Variants in CSMD1 observed in about 807,000 individuals in gnomAD.
CSMD1 encodes CUB and Sushi multiple domains 1, also known as CUB and sushi domain-containing protein 1.
In CSMD1, 213 loss-of-function variants were observed where a neutral mutation model predicts 417.5. That is an observed-to-expected ratio of 0.51 (90% CI 0.46 to 0.57). The LOEUF (loss-of-function observed/expected upper bound fraction) is 0.57, where lower values mean the gene tolerates loss of function less well. CSMD1 is among the 20% of genes least tolerant of loss of function. The pLI, the probability that CSMD1 is intolerant of heterozygous loss-of-function variation, is 0.00. For synonymous variants in CSMD1, 2,862 were observed against 1,736.8 expected (o/e 1.65, Z -16.11); for missense variants, 6,923 against 4,529.7 (o/e 1.53, Z -15.17).
chr8:4,111,603 A>G (rs9650479), intron 3 of CSMD1, among the ~76,000 whole-genome samples: 1 of 152,094 alleles, frequency 6.6e-6, no homozygotes, highest in Non-Finnish European at 1.5e-5. Context: ...AAAGAAATGA[A>G]ATTATGTCCT....
At chr8:4,099,852 C>A (rs1487567402) in intron 3 of CSMD1, among the ~76,000 whole-genome samples, 3 of 152,156 alleles carry the variant, frequency 2.0e-5, no homozygotes, top group African/African-American at 7.2e-5. Context: ...GAACATCCTT[C>A]TTTTCCGTTT....
chr8:4,905,301 T>A (rs1044674383), intron 1 of CSMD1, among the ~76,000 whole-genome samples: 2 of 152,180 alleles, frequency 1.3e-5, no homozygotes, highest in Admixed American at 6.5e-5. Context: ...CAGAGTCTAA[T>A]GGATAACTCG....
Position 3,953,133 on chromosome 8 carries a change from C to T in CSMD1, c.818+44770G>A, listed in dbSNP as rs545374485. On this transcript the variant is annotated intron_variant, in intron 5 of 69. Coordinates refer to ENST00000635120, the MANE Select transcript of CSMD1 (RefSeq NM_033225.6). ...CTGAAAAGATCAATGATCATAAACC[C>T]TAAAAAATACCATTTATAAAAAAAA... is the stretch of plus-strand genomic sequence containing the variant. 2.0e-5 allele frequency among the ~76,000 whole-genome samples: 3 copies of T among 151,536 alleles called. No homozygotes were observed. In the South Asian group the frequency reaches 6.3e-4, roughly 32 times the overall value.
In CSMD1 at chr8:3,714,730, C is replaced by G. The variant is rs554327805; in HGVS notation, c.932-6239G>C. Among the ~76,000 whole-genome samples the G allele has an allele frequency of 9.9e-5, 15 of 151,986 alleles. No individual in the cohort carries two copies. The East Asian group carries it at 2.7e-3, about 27-fold the overall frequency. On this transcript the variant is annotated intron_variant, in intron 6 of 69. Coordinates refer to ENST00000635120, the MANE Select transcript of CSMD1 (RefSeq NM_033225.6). ...CCAGCCTGGGCCACACAGTGAGACC[C>G]TTTAGTTTCTCAAAAAAACAACAAC...
chr8:3,628,549 G>A (rs1796606092), intron 7 of CSMD1, among the ~76,000 whole-genome samples: 1 of 152,160 alleles, frequency 6.6e-6, no homozygotes. Context: ...GCCAGAGCTG[G>A]TTGGATGCCA....
chr8:4,176,927 A>G (rs973604502), intron 3 of CSMD1, among the ~76,000 whole-genome samples: 53 of 149,994 alleles, frequency 3.5e-4, no homozygotes, highest in African/African-American at 1.2e-3. Context: ...CAGATTCATA[A>G]AGCAAGTCCT....
chr8:3,100,929 C>T (rs1011785889), intron 46 of CSMD1, among the ~76,000 whole-genome samples: 4 of 152,106 alleles, frequency 2.6e-5, no homozygotes, highest in Non-Finnish European at 5.9e-5. Flanking sequence ...TGCTATTATC[C>T]AGCACATATA....
At chr8:3,454,301 G>A (rs953287217) in intron 12 of CSMD1, among the ~76,000 whole-genome samples, 5 of 152,040 alleles carry the variant, frequency 3.3e-5, no homozygotes, top group African/African-American at 9.7e-5. Flanking sequence ...TGGAGCATTT[G>A]GCCCATTTAC....
chr8:3,853,535 T>C (rs1459433673), intron 5 of CSMD1, among the ~76,000 whole-genome samples: 1 of 152,152 alleles, frequency 6.6e-6, no homozygotes, highest in Non-Finnish European at 1.5e-5. Context: ...TACTAGAAGA[T>C]GCTCAATCAA....
chr8:3,121,971 A>G, intron 41 of CSMD1, among the ~76,000 whole-genome samples: 1 of 152,178 alleles, frequency 6.6e-6, no homozygotes, highest in South Asian at 2.1e-4. Flanking sequence ...ATAGAGAATT[A>G]GCTGTATTTT....
chr8:4,862,931 G>A (rs973837802), intron 1 of CSMD1, among the ~76,000 whole-genome samples: 3 of 151,936 alleles, frequency 2.0e-5, no homozygotes, highest in Admixed American at 6.6e-5. Flanking sequence ...GAGGCTGGAG[G>A]GAAACTAAGA....
chr8:4,753,307 T>A (rs1811458066), intron 1 of CSMD1, among the ~76,000 whole-genome samples: 1 of 151,896 alleles, frequency 6.6e-6, no homozygotes, highest in South Asian at 2.1e-4. Flanking sequence ...TGGAATACAT[T>A]TAAATGACCA....
intron 5 of CSMD1, among the ~76,000 whole-genome samples, chr8:3,787,452 T>C (rs527665302): frequency 5.3e-5 from 8 of 152,224 alleles, no homozygotes; most frequent in African/African-American, 1.4e-4. Context: ...TGATATACAA[T>C]AATTCATGTG....
intron 1 of CSMD1, among the ~76,000 whole-genome samples, chr8:4,986,922 G>C (rs1237109546): frequency 1.3e-5 from 2 of 152,128 alleles, no homozygotes; most frequent in African/African-American, 2.4e-5. Flanking sequence ...GGAAGGTAGA[G>C]AGATGACAGA....
intron 27 of CSMD1, among the ~76,000 whole-genome samples, chr8:3,226,272 G>A (rs951001776): frequency 1.3e-5 from 2 of 152,012 alleles, no homozygotes; most frequent in African/African-American, 2.4e-5. Context: ...GACTTTTTAG[G>A]GACACTTTAC....
chr8:3,524,816 A>G (rs139541175), intron 10 of CSMD1, among the ~76,000 whole-genome samples: 29 of 152,040 alleles, frequency 1.9e-4, no homozygotes, highest in African/African-American at 6.7e-4. Context: ...ACATGCACAG[A>G]CACACATGCA....
At chr8:3,624,698 G>C (rs1249209784) in intron 7 of CSMD1, among the ~76,000 whole-genome samples, 1 of 152,148 alleles carries the variant, frequency 6.6e-6, no homozygotes, top group Non-Finnish European at 1.5e-5. Flanking sequence ...AGCTTTGTTT[G>C]AGTGACAGCC....
chr8:3,613,089 T>G (rs1335931580), intron 8 of CSMD1, among the ~76,000 whole-genome samples: 1 of 152,036 alleles, frequency 6.6e-6, no homozygotes, highest in Admixed American at 6.6e-5. Flanking sequence ...ATTTGAGCTG[T>G]GAAATTACTA....
At chr8:3,319,686 T>TA (rs1554513803) in intron 23 of CSMD1, among the ~76,000 whole-genome samples, 1 of 152,132 alleles carries the variant, frequency 6.6e-6, no homozygotes, top group Non-Finnish European at 1.5e-5. Context: ...TTGTTTTTTT[T>TA]TGCCTGATTG....
Sources: allele counts gnomAD v4.1 joint callset (sites outside exome capture counted in the v4.1 genomes callset), GRCh38; gene constraint gnomAD v4.1.1; transcripts MANE v1.5; gene names NCBI Gene and HGNC (gene_info 2026-07-23, HGNC 2026-07-21).